The following TTN variants were observed in gnomAD, a reference collection of about 807,000 sequenced individuals.
The protein encoded by TTN is titin, also known as connectin.
In TTN, 1,525 loss-of-function variants were observed where a neutral mutation model predicts 3,223.0. The ratio of observed to expected loss-of-function variants is 0.47; its 90% confidence interval spans 0.45 to 0.49. The LOEUF is 0.49. Among genes scored for constraint, TTN ranks in the 20% least tolerant of loss-of-function variants. The pLI is 0.00. For synonymous variants in TTN, 14,094 were observed against 15,161.0 expected, an observed-to-expected ratio of 0.93 and a Z score of 5.17; for missense variants, 40,786 against 43,424.0, an observed-to-expected ratio of 0.94 and a Z score of 5.40.
At position 178,704,549 on chromosome 2, in the gene TTN, A is replaced by G; in HGVS notation, c.29923T>C (p.Cys9975Arg). 3.1e-6 allele frequency: 5 copies of G among 1,613,466 alleles called. No homozygotes were observed. The highest frequency in any genetic ancestry group is 4.2e-6 in the Non-Finnish European group (5 of 1,179,566). Reference protein sequence around the residue: ...LKDQGNYRLVCGPHIASAKLT... With the variant: ...LKDQGNYRLVRGPHIASAKLT... ...TTAGCGCTAGCGATGTGTGGACCACAAACCAATCGATAATTGCCCTGGTCT... is the reference window on the plus strand; with the variant it reads ...TTAGCGCTAGCGATGTGTGGACCACGAACCAATCGATAATTGCCCTGGTCT... Residue 9975 changes from cysteine (C) to arginine (R), a missense_variant, in exon 105 of 363, where the codon TGT becomes CGT. Coordinates refer to ENST00000589042, the MANE Select transcript of TTN (RefSeq NM_001267550.2).
intron 256 of TTN, 31 bp downstream of exon 256, chr2:178,616,698 C>T (rs565730208): frequency 1.9e-6 from 3 of 1,611,874 alleles, no homozygotes; most frequent in Admixed American, 3.3e-5. Context: ...ACTGCCAAAT[C>T]ACCTTAGATG....
chr2:178,583,506 T>C, intron 312 of TTN, 101 bp downstream of exon 312: 4 of 1,227,794 alleles, frequency 3.3e-6, no homozygotes, highest in Non-Finnish European at 4.4e-6. Context: ...ATCATTTTAA[T>C]TTTCCTTTTT....
In TTN at chr2:178,592,420, G is replaced by A. The variant is rs16866406; in HGVS notation, c.59585C>T (p.Pro19862Leu). 0.15 allele frequency: 247,385 copies of A among 1,612,920 alleles called. 22,173 individuals are homozygous for A. The highest frequency in any genetic ancestry group is 0.44 in the East Asian group (19,543 of 44,768). Residue 19862 changes from proline to leucine, a missense_variant, in exon 301 of 363, where the codon CCA becomes CTA. Physicochemically the swap from Pro to Leu is moderately conservative, Grantham distance 98 (BLOSUM62 -3). Coordinates refer to ENST00000589042, the MANE Select transcript of TTN (RefSeq NM_001267550.2). The part of the protein sequence containing the change: ...GGIYSLTVEN[P>L]AGSKTVSVKV... ...TACTGAGACAGTTTTTGAACCAGCT[G>A]GATTCTCCACTGTTAAAGAATAAAT...
chr2:178,605,593 T>G lies in TTN; in HGVS notation c.53702A>C (p.Lys17901Thr). Residue 17901 changes from lysine (K) to threonine (T), a missense_variant, in exon 279 of 363, where the codon AAA becomes ACA. Transcript: ENST00000589042. ...GSPIQGYIIE[K>T]RRHDKPDFER... ...AAAGTCAGGTTTGTCATGACGCCGT[T>G]TTTCAATGATATATCCTTGGATGGG... 1 of 1,612,286 alleles carries G rather than the reference T, an allele frequency of 6.2e-7. No homozygotes were observed. The highest frequency in any genetic ancestry group is 8.5e-7 in the Non-Finnish European group (1 of 1,178,836).
At position 178,532,456 on chromosome 2, in the gene TTN, T is replaced by C; in HGVS notation, c.104159A>G (p.Glu34720Gly). The C allele has an allele frequency of 6.2e-7, 1 of 1,614,026 alleles. No individual in the cohort carries two copies. The highest frequency in any genetic ancestry group is 8.5e-7 in the Non-Finnish European group (1 of 1,179,878). ...ATACCTGAAGTCTTTTCTTGTTTCCTCCACCTTGACATGAGCTTGTGGTGA... is the reference window on the plus strand; with the variant it reads ...ATACCTGAAGTCTTTTCTTGTTTCCCCCACCTTGACATGAGCTTGTGGTGA... ...YSSPQAHVKV[E>G]ETRKDFRYST... is the part of the protein sequence containing the mutation. The change falls in exon 358 of 363, where the codon GAG becomes GGG. Residue 34720 changes from glutamate (E) to glycine (G), a missense_variant. Glu to Gly is a moderately conservative substitution (Grantham distance 98). Coordinates refer to ENST00000589042, the MANE Select transcript of TTN (RefSeq NM_001267550.2).
At position 178,768,847 on chromosome 2, in the gene TTN, T is replaced by A. The variant is rs879242806; in HGVS notation, c.8989A>T (p.Ile2997Phe). ...TFEVTVNYEGISYKWLKNGVE... is the reference protein window; with the variant it reads ...TFEVTVNYEGFSYKWLKNGVE... The stretch of plus-strand genomic sequence containing the variant: ...CCATTCTTTAACCATTTGTAAGAGA[T>A]GCCTTCATAGTTCACTGTCACCTCA... Residue 2997 changes from isoleucine (I) to phenylalanine (F), a missense_variant, in exon 38 of 363, where the codon ATC (isoleucine) becomes TTC (phenylalanine). Coordinates refer to ENST00000589042, the MANE Select transcript of TTN (RefSeq NM_001267550.2). 2 of 1,614,006 alleles carry A rather than the reference T, an allele frequency of 1.2e-6. No individual in the cohort carries two copies. The highest frequency in any genetic ancestry group is 1.7e-6 in the Non-Finnish European group (2 of 1,180,016).
Position 178,570,276 on chromosome 2 carries a change from C to T in TTN, c.75856G>A (p.Gly25286Ser). 1 of 1,613,346 alleles carries T rather than the reference C, an allele frequency of 6.2e-7. No homozygotes were observed. The highest frequency in any genetic ancestry group is 1.1e-5 in the South Asian group (1 of 91,072). ...TCAGATTCAAGAGGTTCACCAACAC[C>T]ATATTTGTTTACTGCCATTATACGG... ...TFRIMAVNKY[G>S]VGEPLESEPV... is the part of the protein sequence containing the mutation. The change falls in exon 326 of 363, where the codon GGT becomes AGT. Residue 25286 changes from glycine (G) to serine (S), a missense_variant. Gly to Ser is a moderately conservative substitution (Grantham distance 56). Coordinates refer to ENST00000589042, the MANE Select transcript of TTN (RefSeq NM_001267550.2).
chr2:178,653,044 T>C lies in TTN; in HGVS notation c.38872A>G (p.Lys12958Glu). The C allele has an allele frequency of 6.2e-7, 1 of 1,613,284 alleles. No homozygotes were observed. Among genetic ancestry groups the C allele is most frequent in the Non-Finnish European group, 8.5e-7 (1 of 1,179,526 alleles). The change falls in exon 199 of 363, where the codon AAA (lysine) becomes GAA (glutamate). Residue 12958 changes from lysine (K) to glutamate (E), a missense_variant. Transcript: ENST00000589042. Reference protein sequence around the residue: ...PPKKPEVPPVKVPEAPIEVVP... With the variant: ...PPKKPEVPPVEVPEAPIEVVP... ...GCCTAAAGCCAGTGACAAATACCTT[T>C]AACAGGTGGGACTTCAGGTTTTTTA...
Position 178,542,799 on chromosome 2 carries a change from C to A in TTN, c.97055G>T (p.Arg32352Leu), listed in dbSNP as rs575939045. 6.2e-7 allele frequency: 1 copy of A among 1,613,648 alleles called. No homozygotes were observed. Among genetic ancestry groups the A allele is most frequent in the South Asian group, 1.1e-5 (1 of 91,084 alleles). ...FAGSKLRESE[R>L]VTVETHTKVA... ...TTTAGTGTGAGTTTCAACTGTGACA[C>A]GCTCTGATTCTCTCAGTTTAGAACC... The change falls in exon 348 of 363, where the codon CGT becomes CTT. Residue 32352 changes from arginine to leucine, a missense_variant. Physicochemically the swap from Arg to Leu is moderately radical, Grantham distance 102. Coordinates refer to ENST00000589042, the MANE Select transcript of TTN (RefSeq NM_001267550.2).
Position 178,527,441 on chromosome 2 carries a change from C to T in TTN, c.107680+5G>A, listed in dbSNP as rs1416461535. ...TCTACCTCTACCAGTAATTTTATTG[C>T]TCACCTCTTATGCCTGCTTTAAGCA... On this transcript the variant is annotated splice_donor_5th_base_variant and intron_variant, in intron 362 of 362. Transcript: ENST00000589042. 6.2e-7 allele frequency: 1 copy of T among 1,608,982 alleles called. No homozygotes were observed. The highest frequency in any genetic ancestry group is 1.3e-5 in the African/African-American group (1 of 74,820).
chr2:178,611,002 T>A lies in TTN; in HGVS notation c.51127A>T (p.Lys17043Ter), dbSNP rs794729269. 1 of 1,612,188 alleles carries A rather than the reference T, an allele frequency of 6.2e-7. No homozygotes were observed. Among genetic ancestry groups the A allele is most frequent in the Non-Finnish European group, 8.5e-7 (1 of 1,178,944 alleles). ...LGSATASINV[K>*]VIGLPGPCKD... ...TTCAAAGAATGATTACCTATGACTT[T>A]GACATTGATTGAGGCTGTTGCTGAG... is the stretch of plus-strand genomic sequence containing the variant. The change falls in exon 270 of 363, where the codon AAA becomes TAA. Residue 17043 changes from lysine to a stop codon, truncating the protein, a stop_gained. Coordinates refer to ENST00000589042, the MANE Select transcript of TTN (RefSeq NM_001267550.2). LOFTEE classifies it high-confidence loss of function.
At position 178,746,587 on chromosome 2, in the gene TTN, G is replaced by A. The variant is rs1040198682; in HGVS notation, c.11312-4666C>T. On this transcript the variant is annotated intron_variant, in intron 47 of 362. Coordinates refer to ENST00000589042, the MANE Select transcript of TTN (RefSeq NM_001267550.2). ...CCACTCTTTCTTCCTGGGGCATTAT[G>A]TCTACATTTGCAAAGCTCTTTGCTT... The A allele has an allele frequency of 1.9e-6, 3 of 1,613,198 alleles. No homozygotes were observed. In the African/African-American group the frequency reaches 4.0e-5, roughly 22 times the overall value.
rs758455641 is a variant in TTN, at chr2:178,729,450, T to C, written c.18706A>G (p.Asn6236Asp). Residue 6236 changes from asparagine (N) to aspartate (D), a missense_variant, in exon 64 of 363, where the codon AAC becomes GAC. Physicochemically the swap from Asn to Asp is conservative, Grantham distance 23. Transcript: ENST00000589042. ...PPFEVTWLKN[N>D]REIRSSKKYT... ...TTTTTGCTGCTTCGAATTTCCCTGT[T>C]ATTCTTCAGCCAAGTGACTTCAAAC... The C allele has an allele frequency of 5.0e-6, 8 of 1,613,516 alleles. No individual in the cohort carries two copies. The highest frequency in any genetic ancestry group is 5.1e-6 in the Non-Finnish European group (6 of 1,179,640).
In TTN at chr2:178,543,236, G is replaced by A; in HGVS notation, c.96737C>T (p.Thr32246Ile). 1.9e-6 allele frequency: 3 copies of A among 1,613,628 alleles called. No homozygotes were observed. Among genetic ancestry groups the A allele is most frequent in the Non-Finnish European group, 2.5e-6 (3 of 1,179,766 alleles). ...GGTGACAACCTTCATCCATCTCTCT[G>A]TGCCAGCTTTGCAGGCCTCGAGAAC... Reference protein sequence around the residue: ...GYVLEACKAGTERWMKVVTLK... With the variant: ...GYVLEACKAGIERWMKVVTLK... The change falls in exon 347 of 363, where the codon ACA becomes ATA. Residue 32246 changes from threonine (T) to isoleucine (I), a missense_variant. Physicochemically the swap from Thr to Ile is moderately conservative, Grantham distance 89 (BLOSUM62 -1). Transcript: ENST00000589042.
intron 165 of TTN, 120 bp from the exon 166 acceptor site, chr2:178,665,046 C>T: frequency 8.4e-7 from 1 of 1,187,550 alleles, no homozygotes; most frequent in Non-Finnish European, 1.2e-6. Flanking sequence ...CCCTTTGTTC[C>T]ACCAATAGGC....
rs866510950 is a variant in TTN, at chr2:178,774,226, G to A, written c.7038C>T (p.Thr2346=). 4 of 1,614,042 alleles carry A rather than the reference G, an allele frequency of 2.5e-6. No individual in the cohort carries two copies. The Middle Eastern group carries it at 6.6e-4, about 266-fold the overall frequency. ...ACTTACGTTTCATCTTTAATTTACA[G>A]GTTGTCTTTTTCCCGTCGATGACAA... ...YSFVIDGKKT[T]CKLKMKPRPI... The change falls in exon 30 of 363, where the codon ACC becomes ACT. Residue 2346 remains threonine, a synonymous_variant. Coordinates refer to ENST00000589042, the MANE Select transcript of TTN (RefSeq NM_001267550.2).
At position 178,578,663 on chromosome 2, in the gene TTN, T is replaced by C; in HGVS notation, c.68277A>G (p.Ser22759=). The part of the protein sequence containing the change: ...PPNIVDVRHD[S]VSLTWTDPKK... Reference sequence around the variant, plus strand: ...TGGGGTCAGTCCAAGTTAGAGATACTGAATCGTGTCTGACATCCACAATAT... The same window carrying C: ...TGGGGTCAGTCCAAGTTAGAGATACCGAATCGTGTCTGACATCCACAATAT... The change falls in exon 321 of 363, where the codon TCA becomes TCG. Residue 22759 remains serine (S), a synonymous_variant. Coordinates refer to ENST00000589042, the MANE Select transcript of TTN (RefSeq NM_001267550.2). 6.2e-7 allele frequency: 1 copy of C among 1,612,106 alleles called. No homozygotes were observed. Among genetic ancestry groups the C allele is most frequent in the South Asian group, 1.1e-5 (1 of 90,726 alleles).
In TTN at chr2:178,531,840, T is replaced by G. The variant is rs769986952; in HGVS notation, c.104775A>C (p.Glu34925Asp). ...KAALKTQKTS[E>D]RKYEVLSQQP... is the part of the protein sequence containing the mutation. ...GCTGACTCAAAACTTCATACTTCCT[T>G]TCTGATGTCTTCTGAGTTTTTAAAG... Residue 34925 changes from glutamate to aspartate, a missense_variant, in exon 358 of 363, where the codon GAA (glutamate) becomes GAC (aspartate). Physicochemically the swap from Glu to Asp is conservative, Grantham distance 45. Coordinates refer to ENST00000589042, the MANE Select transcript of TTN (RefSeq NM_001267550.2). 3.1e-6 allele frequency: 5 copies of G among 1,613,872 alleles called. No individual in the cohort carries two copies. The South Asian group carries it at 5.5e-5, about 18-fold the overall frequency.
Position 178,593,826 on chromosome 2 carries a change from C to A in TTN, c.58474G>T (p.Val19492Leu), listed in dbSNP as rs1224533828. 6.2e-7 allele frequency: 1 copy of A among 1,612,838 alleles called. No homozygotes were observed. Among genetic ancestry groups the A allele is most frequent in the African/African-American group, 1.3e-5 (1 of 74,856 alleles). ...GAGATAACCATGTAATCTTTGGTCA[C>A]CTCATCAAAACTAACTGGTCCTACT... ...PPVGPVSFDE[V>L]TKDYMVISWK... Residue 19492 changes from valine (V) to leucine (L), a missense_variant, in exon 298 of 363, where the codon GTG (valine) becomes TTG (leucine). Transcript: ENST00000589042.
Sources: allele counts gnomAD v4.1 joint callset, GRCh38; gene constraint gnomAD v4.1.1; transcripts MANE v1.5; gene names NCBI Gene and HGNC (gene_info 2026-07-23, HGNC 2026-07-21).